The following TRMT1 variants were observed in gnomAD, a reference collection of about 807,000 sequenced individuals.
The protein encoded by TRMT1 is tRNA (guanine(26)-N(2))-dimethyltransferase.
In TRMT1, 63 loss-of-function variants were observed where a neutral mutation model predicts 75.4. That is an observed-to-expected ratio of 0.84 (90% CI 0.68 to 1.03). TRMT1 has a LOEUF of 1.03. Among genes scored for constraint, TRMT1 ranks in the 50% least tolerant of loss-of-function variants. The probability of loss-of-function intolerance (pLI) is 0.00; values close to 1 mark genes in which losing one functional copy is unlikely to be tolerated. For missense variants in TRMT1, 870 were observed against 905.3 expected (o/e 0.96, Z 0.50); for synonymous variants, 382 against 358.1 (o/e 1.07, Z -0.75).
Position 13,105,395 on chromosome 19 carries a change from C to T in TRMT1, c.1705G>A (p.Gly569Ser), listed in dbSNP as rs1046604945. The change falls in exon 16 of 17, where the codon GGC becomes AGC. Residue 569 changes from glycine to serine, a missense_variant and splice_region_variant. Transcript: ENST00000357720. Reference protein sequence around the residue: ...WGPRPRARPGGKAADEAMEER... With the variant: ...WGPRPRARPGSKAADEAMEER... ...TCCATAGCTTCGTCGGCCGCCTTGC[C>T]CCTGTGCGAGGGGAGGAGTAGGTGG... The T allele has an allele frequency of 1.2e-6, 2 of 1,613,574 alleles. No homozygotes were observed. Among genetic ancestry groups the T allele is most frequent in the Non-Finnish European group, 1.7e-6 (2 of 1,179,998 alleles).
Position 13,105,557 on chromosome 19 carries a change from G to T in TRMT1, c.1633C>A (p.Gln545Lys). ...IREDANPSSR[Q>K]RGLKRFQANP... ...GCCTGGAAGCGCTTGAGTCCTCGCT[G>T]TCGGGAGCTGGGGTTGGCATCTTCC... The change falls in exon 15 of 17, where the codon CAG becomes AAG. Residue 545 changes from glutamine (Q) to lysine (K), a missense_variant. Transcript: ENST00000357720. The T allele has an allele frequency of 6.2e-7, 1 of 1,614,066 alleles. No individual in the cohort carries two copies. The highest frequency in any genetic ancestry group is 8.5e-7 in the Non-Finnish European group (1 of 1,180,028).
chr19:13,110,356 C>A (rs2019095084), intron 7 of TRMT1, 50 bp from the exon 8 acceptor site: 1 of 1,534,390 alleles, frequency 6.5e-7, no homozygotes, highest in Non-Finnish European at 8.8e-7. Context: ...CCACCCACCC[C>A]ACCAGGAGCC....
At chr19:13,115,230 A>AC in intron 5 of TRMT1, 49 bp downstream of exon 5, 1 of 1,550,964 alleles carries the variant, frequency 6.4e-7, no homozygotes, top group Non-Finnish European at 8.7e-7. Flanking sequence ...CCAGAATTTG[A>AC]CCCCAGGCAG....
At chr19:13,111,318 G>A (rs1426586270) in intron 7 of TRMT1, among the ~76,000 whole-genome samples, 1 of 152,022 alleles carries the variant, frequency 6.6e-6, no homozygotes, top group Non-Finnish European at 1.5e-5. Flanking sequence ...TTACAGGCAT[G>A]AGCCGCTGCA....
intron 12 of TRMT1, among the ~76,000 whole-genome samples, chr19:13,109,091 T>G (rs2019013197): frequency 6.6e-6 from 1 of 151,542 alleles, no homozygotes; most frequent in Non-Finnish European, 1.5e-5. Flanking sequence ...AATGGGTGTG[T>G]GTGTGTGTGT....
At chr19:13,112,859 A>C in intron 6 of TRMT1, 37 bp downstream of exon 6, 1 of 1,613,234 alleles carries the variant, frequency 6.2e-7, no homozygotes. Context: ...CCAACACCCC[A>C]AGCCCTGCTC....
intron 12 of TRMT1, among the ~76,000 whole-genome samples, chr19:13,108,796 G>T (rs1402562906): frequency 6.6e-6 from 1 of 150,960 alleles, no homozygotes; most frequent in Non-Finnish European, 1.5e-5. Context: ...TTTTAGTAGA[G>T]ACAGGGTTTA....
rs777467587 is a variant in TRMT1, at chr19:13,115,978, A to C, written c.310+19T>G. Reference sequence around the variant, plus strand: ...ACTTGTGTGACCCCCGCCCACCAGAAGCCTGGACCTCCACTCACTCTGGAT... The same window carrying C: ...ACTTGTGTGACCCCCGCCCACCAGACGCCTGGACCTCCACTCACTCTGGAT... On this transcript the variant is annotated intron_variant, in intron 3 of 16. Coordinates refer to ENST00000357720, the MANE Select transcript of TRMT1 (RefSeq NM_001136035.4). The C allele has an allele frequency of 1.4e-5, 23 of 1,613,938 alleles. No homozygotes were observed. The highest frequency in any genetic ancestry group is 1.9e-5 in the Non-Finnish European group (23 of 1,179,994).
At chr19:13,113,150 CATTT>C (rs565844216) in intron 5 of TRMT1, 139 bp from the exon 6 acceptor site, 38 of 499,592 alleles carry the variant, frequency 7.6e-5, no homozygotes, top group South Asian at 1.6e-4. Context: ...CTGGCTCAGT[CATTT>C]ATTTATTTAT....
rs1216811626 is a variant in TRMT1 at position 13,105,030 on chromosome 19, G to A, written c.1885C>T (p.Pro629Ser). Reference protein sequence around the residue: ...QCCYSHSPPTPRVSADAAPDC... With the variant: ...QCCYSHSPPTSRVSADAAPDC... ...GGGGCAGCATCAGCAGAAACCCTGG[G>A]TGTCGGGGGGCTGTGGGAGTAGCAG... The change falls in exon 17 of 17, where the codon CCC becomes TCC. Residue 629 changes from proline to serine, a missense_variant. Physicochemically the swap from Pro to Ser is moderately conservative, Grantham distance 74. Transcript: ENST00000357720. The A allele has an allele frequency of 6.2e-7, 1 of 1,610,924 alleles. No homozygotes were observed. The highest frequency in any genetic ancestry group is 1.1e-5 in the South Asian group (1 of 90,834).
At chr19:13,111,548 T>G (rs2145589180) in intron 7 of TRMT1, among the ~76,000 whole-genome samples, 1 of 136,022 alleles carries the variant, frequency 7.4e-6, no homozygotes, top group Admixed American at 7.4e-5. Context: ...CACGCCCAGC[T>G]AATTTTTTTT....
intron 8 of TRMT1, 70 bp downstream of exon 8, chr19:13,110,088 C>T: frequency 1.2e-6 from 2 of 1,608,360 alleles, no homozygotes; most frequent in Non-Finnish European, 1.7e-6. Context: ...CCTTAAGAAG[C>T]CCCAGATCCC....
intron 12 of TRMT1, among the ~76,000 whole-genome samples, chr19:13,108,325 CTG>C (rs2018976351): frequency 6.6e-6 from 1 of 150,390 alleles, no homozygotes; most frequent in African/African-American, 2.5e-5. Context: ...GAGTCTCACT[CTG>C]TCGCTCAGGC....
Position 13,105,389 on chromosome 19 carries a change from C to A in TRMT1, c.1711G>T (p.Ala571Ser). Residue 571 changes from alanine to serine, a missense_variant, in exon 16 of 17, where the codon GCG becomes TCG. Physicochemically the swap from Ala to Ser is moderately conservative, Grantham distance 99 (BLOSUM62 1). Transcript: ENST00000357720. ...PRPRARPGGKAADEAMEERRR... is the reference protein window; with the variant it reads ...PRPRARPGGKSADEAMEERRR... ...CTCTCCTCCATAGCTTCGTCGGCCG[C>A]CTTGCCCCTGTGCGAGGGGAGGAGT... is the stretch of plus-strand genomic sequence containing the variant. 1.2e-6 allele frequency: 2 copies of A among 1,613,710 alleles called. No individual in the cohort carries two copies. Among genetic ancestry groups the A allele is most frequent in the Non-Finnish European group, 1.7e-6 (2 of 1,179,998 alleles).
chr19:13,108,816 A>G (rs1309157833), intron 12 of TRMT1, among the ~76,000 whole-genome samples: 2 of 149,568 alleles, frequency 1.3e-5, no homozygotes, highest in Non-Finnish European at 3.0e-5. Flanking sequence ...AACCATTTTG[A>G]CCACGCTGGT....
At chr19:13,106,913 C>A (rs1053064352) in intron 14 of TRMT1, among the ~76,000 whole-genome samples, 1 of 151,122 alleles carries the variant, frequency 6.6e-6, no homozygotes, top group African/African-American at 2.4e-5. Context: ...AGCTCTGCCC[C>A]CCGGGGTTCA....
Position 13,107,612 on chromosome 19 carries a change from C to T in TRMT1, c.1545G>A (p.Glu515=). 1 of 1,608,914 alleles carries T rather than the reference C, an allele frequency of 6.2e-7. No homozygotes were observed. ...TGAGAATGCGGAACGCTGGGCTAGT[C>T]TCTGATAGTCGCTCCCGTTTCACCG... is the stretch of plus-strand genomic sequence containing the variant. ...ECPVKRERLS[E]TSPAFRILSV... Residue 515 remains glutamate (E), a synonymous_variant, in exon 14 of 17, where the codon GAG becomes GAA. Transcript: ENST00000357720.
rs573769207 is a variant in TRMT1, at chr19:13,112,345, G to C, written c.870+360C>G. On this transcript the variant is annotated intron_variant, in intron 7 of 16. Transcript: ENST00000357720. The stretch of plus-strand genomic sequence containing the variant: ...GCAAAAAAACCCGAGGACCAGAAAG[G>C]TGAAGTCACTTGCCCAGAGCTACCA... Among the ~76,000 whole-genome samples, 10 of 152,238 alleles carry C rather than the reference G, an allele frequency of 6.6e-5. No homozygotes were observed. The South Asian group carries it at 1.7e-3, about 25-fold the overall frequency.
intron 5 of TRMT1, among the ~76,000 whole-genome samples, chr19:13,114,449 G>C (rs559122672): frequency 6.6e-6 from 1 of 152,154 alleles, no homozygotes; most frequent in Admixed American, 6.5e-5. Context: ...GGCAGATCAC[G>C]AGGTCAGGAA....
Sources: allele counts gnomAD v4.1 joint callset (sites outside exome capture counted in the v4.1 genomes callset), GRCh38; gene constraint gnomAD v4.1.1; transcripts MANE v1.5; gene names NCBI Gene and HGNC (gene_info 2026-07-23, HGNC 2026-07-21).